The following SAMD5 variants were observed in gnomAD, a reference collection of about 807,000 sequenced individuals.
The protein encoded by SAMD5 is sterile alpha motif domain-containing protein 5.
SAMD5 carries 13 observed loss-of-function variants against 11.3 expected under a neutral mutation model. That is an observed-to-expected ratio of 1.15 (90% CI 0.75 to 1.83). The LOEUF (loss-of-function observed/expected upper bound fraction) is 1.83. Among genes scored for constraint, SAMD5 ranks in the 40% most tolerant of loss-of-function variants. The pLI, the probability that SAMD5 is intolerant of heterozygous loss-of-function variation, is 0.00. For synonymous variants in SAMD5, 129 were observed against 111.3 expected, an observed-to-expected ratio of 1.16 and a Z score of -1.00; for missense variants, 255 against 239.1, an observed-to-expected ratio of 1.07 and a Z score of -0.44.
the SAMD5 span, among the ~76,000 whole-genome samples, chr6:147,877,745 A>G: frequency 6.6e-6 from 1 of 151,774 alleles, no homozygotes. Context: ...TCTACCTCCA[A>G]CTCAAGACTG....
chr6:147,620,064 C>T (rs964592353), intron 1 of SAMD5, among the ~76,000 whole-genome samples: 4 of 152,196 alleles, frequency 2.6e-5, no homozygotes, highest in South Asian at 2.1e-4. Context: ...GTTTGGTCCC[C>T]GGAGCCACGT....
At chr6:147,513,308 C>A (rs1788117370) in intron 1 of SAMD5, among the ~76,000 whole-genome samples, 1 of 152,148 alleles carries the variant, frequency 6.6e-6, no homozygotes, top group South Asian at 2.1e-4. Flanking sequence ...ACACTAGTGG[C>A]ATGGGCCACT....
the SAMD5 span, among the ~76,000 whole-genome samples, chr6:147,954,486 C>T: frequency 1.3e-5 from 2 of 152,054 alleles, no homozygotes; most frequent in African/African-American, 2.4e-5. Context: ...TTTATTGTGG[C>T]CTAAGTGTAA....
chr6:147,778,055 C>T, the SAMD5 span, among the ~76,000 whole-genome samples: 18 of 152,128 alleles, frequency 1.2e-4, no homozygotes, highest in African/African-American at 3.6e-4. Context: ...AACTGTTTTC[C>T]GCAGTTACTT....
the SAMD5 span, among the ~76,000 whole-genome samples, chr6:147,910,294 A>G: frequency 1.3e-5 from 2 of 152,070 alleles, no homozygotes; most frequent in Non-Finnish European, 2.9e-5. Flanking sequence ...GCTCCTGGCA[A>G]GTGGCGTATC....
At chr6:147,844,514 G>A in the SAMD5 span, among the ~76,000 whole-genome samples, 1 of 152,106 alleles carries the variant, frequency 6.6e-6, no homozygotes, top group Non-Finnish European at 1.5e-5. Context: ...ATTGATACCA[G>A]TGTGTCAAAG....
At chr6:147,669,464 GT>G (rs1390025379) in intron 1 of SAMD5, among the ~76,000 whole-genome samples, 3 of 112,936 alleles carry the variant, frequency 2.7e-5, no homozygotes, top group Non-Finnish European at 3.3e-5. Context: ...GTTTCATGCT[GT>G]CACCCAGGCT....
At chr6:147,517,390 CTG>C (rs1788187138) in intron 1 of SAMD5, among the ~76,000 whole-genome samples, 1 of 152,130 alleles carries the variant, frequency 6.6e-6, no homozygotes, top group South Asian at 2.1e-4. Context: ...GGTAGCTCTT[CTG>C]TACCTGGGTT....
the SAMD5 span, among the ~76,000 whole-genome samples, chr6:147,796,463 A>T: frequency 6.6e-6 from 1 of 152,144 alleles, no homozygotes; most frequent in Non-Finnish European, 1.5e-5. Context: ...TGTTTTGGTT[A>T]CTGTAGCCTT....
At chr6:147,904,932 A>G in the SAMD5 span, among the ~76,000 whole-genome samples, 2 of 148,842 alleles carry the variant, frequency 1.3e-5, no homozygotes, top group Non-Finnish European at 3.0e-5. Context: ...CTTGTTCCCC[A>G]GGCTGGAGTG....
intron 1 of SAMD5, among the ~76,000 whole-genome samples, chr6:147,558,303 T>C (rs1052600496): frequency 1.9e-4 from 29 of 152,072 alleles, no homozygotes; most frequent in African/African-American, 6.8e-4. Context: ...GCAACAGAAG[T>C]GTTGTATCCA....
intron 1 of SAMD5, among the ~76,000 whole-genome samples, chr6:147,663,426 G>A (rs1790673001): frequency 6.6e-6 from 1 of 152,058 alleles, no homozygotes; most frequent in Non-Finnish European, 1.5e-5. Flanking sequence ...CATGAACCAA[G>A]CTTACCTATG....
At chr6:147,739,613 A>G (rs115150196), downstream of SAMD5, among the ~76,000 whole-genome samples, 313 of 152,204 alleles carry the variant, frequency 2.1e-3, 1 homozygote, top group African/African-American at 7.2e-3. Context: ...AAAAACAAAA[A>G]TAGTACCAAT....
intron 1 of SAMD5, among the ~76,000 whole-genome samples, chr6:147,517,070 G>A (rs755349668): frequency 6.6e-6 from 1 of 152,072 alleles, no homozygotes; most frequent in Non-Finnish European, 1.5e-5. Flanking sequence ...CTGATTTTTT[G>A]TCAGGTTTAT....
At chr6:147,516,666 G>A (rs570524950) in intron 1 of SAMD5, among the ~76,000 whole-genome samples, 9 of 152,166 alleles carry the variant, frequency 5.9e-5, no homozygotes, top group Non-Finnish European at 1.3e-4. Flanking sequence ...AACCCTAGAG[G>A]CCTGCACTGT....
chr6:147,663,987 G>A (rs1790683320), intron 1 of SAMD5, among the ~76,000 whole-genome samples: 1 of 150,202 alleles, frequency 6.7e-6, no homozygotes, highest in Non-Finnish European at 1.5e-5. Context: ...AACAGATTAA[G>A]CTTGGAGAAC....
intron 1 of SAMD5, among the ~76,000 whole-genome samples, chr6:147,654,983 G>A (rs1790544863): frequency 6.6e-6 from 1 of 152,098 alleles, no homozygotes; most frequent in Non-Finnish European, 1.5e-5. Flanking sequence ...GACCATGAGT[G>A]ATGATTCACC....
intron 1 of SAMD5, among the ~76,000 whole-genome samples, chr6:147,642,322 A>G (rs559074602): frequency 5.9e-5 from 9 of 152,214 alleles, no homozygotes; most frequent in Non-Finnish European, 1.3e-4. Flanking sequence ...AGGGGCTGTG[A>G]AAAAGATCTC....
the SAMD5 span, among the ~76,000 whole-genome samples, chr6:147,852,990 G>T: frequency 6.6e-6 from 1 of 152,116 alleles, no homozygotes; most frequent in Admixed American, 6.5e-5. Flanking sequence ...ATTAGAAGAG[G>T]TGACTCACTT....
Sources: gnomAD v4.1 joint callset for allele counts (sites outside exome capture counted in the v4.1 genomes callset) on GRCh38, gnomAD v4.1.1 for gene constraint, MANE v1.5 for transcripts, NCBI Gene and HGNC (gene_info 2026-07-23, HGNC 2026-07-21) for gene names.